NUDT3: variants seen among roughly 807,000 people sequenced by gnomAD.
The protein encoded by NUDT3 is diphosphoinositol polyphosphate phosphohydrolase 1.
A neutral mutation model predicts 23.6 loss-of-function variants in NUDT3; 9 were observed. That is an observed-to-expected ratio of 0.38 (90% CI 0.23 to 0.66). The LOEUF (loss-of-function observed/expected upper bound fraction) is 0.66. NUDT3 is among the 30% of genes least tolerant of loss of function. The pLI, the probability that NUDT3 is intolerant of heterozygous loss-of-function variation, is 0.52. For synonymous variants in NUDT3, 86 were observed against 82.6 expected (o/e 1.04, Z -0.22); for missense variants, 172 against 218.5 (o/e 0.79, Z 1.34).
At chr6:34,382,239 TA>T (rs915967504) in intron 1 of NUDT3, among the ~76,000 whole-genome samples, 63 of 150,748 alleles carry the variant, frequency 4.2e-4, no homozygotes, top group African/African-American at 1.5e-3. Flanking sequence ...CTACAAAAAA[TA>T]AAAAAAATAT....
chr6:34,293,353 A>G (rs1763451511), intron 4 of NUDT3, 98 bp downstream of exon 4: 1 of 1,426,660 alleles, frequency 7.0e-7, no homozygotes, highest in South Asian at 1.2e-5. Context: ...TGAGCCACTG[A>G]GCCTGGTACG....
rs879579089 is a variant in NUDT3 at position 34,295,764 on chromosome 6, TAAAATAGAAACAAAA to T, written c.211-94_211-80del. The T allele has an allele frequency of 7.8e-4, 1,224 of 1,570,092 alleles. 3 individuals carry two copies. Among genetic ancestry groups the T allele is most frequent in the Non-Finnish European group, 9.7e-4 (1,112 of 1,152,142 alleles). Reference sequence around the variant, plus strand: ...ATTCTGAGTCTTCTTAAGCAGTTTATAAAATAGAAACAAAAAACAAGAGGACACAGCTTGGGCAGA... The same window carrying T: ...ATTCTGAGTCTTCTTAAGCAGTTTATAACAAGAGGACACAGCTTGGGCAGA... On this transcript the variant is annotated intron_variant, in intron 2 of 4. Coordinates refer to ENST00000607016, the MANE Select transcript of NUDT3 (RefSeq NM_006703.4).
Position 34,293,494 on chromosome 6 carries a change from A to G in NUDT3, c.297T>C (p.Ile99=), listed in dbSNP as rs1763453876. Residue 99 remains isoleucine, a synonymous_variant, in exon 4 of 5, where the codon ATT becomes ATC. Coordinates refer to ENST00000607016, the MANE Select transcript of NUDT3 (RefSeq NM_006703.4). The part of the protein sequence containing the change: ...RKHRTYVYVL[I]VTEVLEDWED... The stretch of plus-strand genomic sequence containing the variant: ...CCCAGTCTTCCAGCACTTCAGTGAC[A>G]ATGAGCACATAGACATACGTCCTGT... The G allele has an allele frequency of 6.2e-7, 1 of 1,614,076 alleles. No individual in the cohort carries two copies. Among genetic ancestry groups the G allele is most frequent in the Non-Finnish European group, 8.5e-7 (1 of 1,180,024 alleles).
Position 34,287,992 on chromosome 6 carries a change from C to T in NUDT3, c.*761G>A, listed in dbSNP as rs1763358553. 3.9e-5 allele frequency: 6 copies of T among 152,032 alleles called. No individual in the cohort carries two copies. The highest frequency in any genetic ancestry group is 3.9e-4 in the Admixed American group (6 of 15,254). 9.4% of individuals were successfully genotyped at this position (152,032 alleles called of 1,614,324 possible). A position where few individuals can be genotyped will look rare whatever the true frequency, so the allele number is the denominator to read the frequency against. ...AGGTTTCTTCCTGTTTCTTTCTGGGCAGGGAAATACAGCTTAAAGAAGGAA... is the reference window on the plus strand; with the variant it reads ...AGGTTTCTTCCTGTTTCTTTCTGGGTAGGGAAATACAGCTTAAAGAAGGAA... On this transcript the variant is annotated 3_prime_UTR_variant, in exon 5 of 5. Coordinates refer to ENST00000607016, the MANE Select transcript of NUDT3 (RefSeq NM_006703.4).
At chr6:34,371,641 T>C (rs927833139) in intron 1 of NUDT3, among the ~76,000 whole-genome samples, 39 of 152,194 alleles carry the variant, frequency 2.6e-4, no homozygotes, top group Non-Finnish European at 1.0e-4. Context: ...ATTAGAAGAA[T>C]AGAGAATCAC....
chr6:34,329,342 G>A (rs550081869), intron 2 of NUDT3, among the ~76,000 whole-genome samples: 12 of 152,244 alleles, frequency 7.9e-5, no homozygotes, highest in African/African-American at 2.2e-4. Flanking sequence ...GTGCAATGGC[G>A]CGATCTCAGC....
chr6:34,294,020 C>CT (rs1340534953), intron 3 of NUDT3, among the ~76,000 whole-genome samples: 1 of 152,112 alleles, frequency 6.6e-6, no homozygotes, highest in African/African-American at 2.4e-5. Context: ...GAGAGCCTTA[C>CT]TTTGTCACCT....
intron 1 of NUDT3, among the ~76,000 whole-genome samples, chr6:34,382,931 G>A (rs1765046467): frequency 6.6e-6 from 1 of 151,878 alleles, no homozygotes; most frequent in Non-Finnish European, 1.5e-5. Context: ...TTCGAGACCA[G>A]CCTGGCTAAG....
chr6:34,371,236 C>T (rs541632710), intron 1 of NUDT3, among the ~76,000 whole-genome samples: 3 of 152,102 alleles, frequency 2.0e-5, no homozygotes, highest in Admixed American at 1.3e-4. Context: ...TTTGGGAGGC[C>T]GAGGCAGGCA....
chr6:34,374,338 G>A (rs1238483618), intron 1 of NUDT3, among the ~76,000 whole-genome samples: 1 of 152,080 alleles, frequency 6.6e-6, no homozygotes, highest in Non-Finnish European at 1.5e-5. Flanking sequence ...GATAGATCAT[G>A]TCTATGTTTA....
Position 34,288,676 on chromosome 6 carries a change from A to G in NUDT3, c.*77T>C, listed in dbSNP as rs1322011118. The G allele has an allele frequency of 2.0e-6, 3 of 1,519,758 alleles. No individual in the cohort carries two copies. The highest frequency in any genetic ancestry group is 2.6e-6 in the Non-Finnish European group (3 of 1,136,184). The allele number at this position is 1,519,758 out of a possible 1,614,324, so 94.1% of individuals were successfully genotyped here. A position where few individuals can be genotyped will look rare whatever the true frequency, so the allele number is the denominator to read the frequency against. On this transcript the variant is annotated 3_prime_UTR_variant, in exon 5 of 5. Transcript: ENST00000607016. The stretch of plus-strand genomic sequence containing the variant: ...GAAAGAGGAGGCCTGTGAGAAGTGG[A>G]AAGAGCCAGGGTGAGAGGGAAGATT...
intron 1 of NUDT3, among the ~76,000 whole-genome samples, chr6:34,352,344 A>T (rs1764491288): frequency 6.6e-6 from 1 of 152,020 alleles, no homozygotes; most frequent in South Asian, 2.1e-4. Flanking sequence ...TAATTTTTGC[A>T]TTATTTGTAG....
chr6:34,336,608 G>T (rs1362871570), intron 2 of NUDT3, among the ~76,000 whole-genome samples: 1 of 151,990 alleles, frequency 6.6e-6, no homozygotes, highest in Non-Finnish European at 1.5e-5. Context: ...TGTTACCTGT[G>T]CTTTTGAGGT....
chr6:34,315,428 G>A (rs934319541), intron 2 of NUDT3, among the ~76,000 whole-genome samples: 1 of 152,170 alleles, frequency 6.6e-6, no homozygotes, highest in African/African-American at 2.4e-5. Context: ...GCTGCAATAA[G>A]CTGCATCTAC....
chr6:34,296,666 T>C (rs950936486), intron 2 of NUDT3, among the ~76,000 whole-genome samples: 2 of 152,168 alleles, frequency 1.3e-5, no homozygotes, highest in East Asian at 3.9e-4. Context: ...AATGCCTAAT[T>C]TGAACCAGAA....
intron 1 of NUDT3, among the ~76,000 whole-genome samples, chr6:34,383,005 T>C (rs918382087): frequency 6.6e-6 from 1 of 151,278 alleles, no homozygotes; most frequent in Non-Finnish European, 1.5e-5. Flanking sequence ...CAGGCACCTG[T>C]AATCCCAGCT....
chr6:34,284,187 G>A lies in NUDT3; in HGVS notation c.*4566C>T, dbSNP rs1282997141. On this transcript the variant is annotated 3_prime_UTR_variant, in exon 5 of 5. Coordinates refer to ENST00000607016, the MANE Select transcript of NUDT3 (RefSeq NM_006703.4). The stretch of plus-strand genomic sequence containing the variant: ...TCCACAGTCTTTAAGAAACAGAAGA[G>A]CCATTTGCATTATTTAATCACCATT... 1.3e-5 allele frequency: 2 copies of A among 152,162 alleles called. No homozygotes were observed. The highest frequency in any genetic ancestry group is 1.5e-5 in the Non-Finnish European group (1 of 68,038). The allele number at this position is 152,162 out of a possible 1,614,324, so 9.4% of individuals were successfully genotyped here. A position where few individuals can be genotyped will look rare whatever the true frequency, so the allele number is the denominator to read the frequency against.
intron 1 of NUDT3, among the ~76,000 whole-genome samples, chr6:34,385,772 C>T (rs1202891877): frequency 6.6e-6 from 1 of 151,674 alleles, no homozygotes; most frequent in Non-Finnish European, 1.5e-5. Flanking sequence ...CAACCTCCGT[C>T]TCCTGGGTTC....
intron 2 of NUDT3, among the ~76,000 whole-genome samples, chr6:34,332,846 G>A (rs1231428163): frequency 6.6e-6 from 1 of 152,080 alleles, no homozygotes; most frequent in African/African-American, 2.4e-5. Flanking sequence ...GGATGGCTGA[G>A]GTGAGAAAAG....
Sources: allele counts gnomAD v4.1 joint callset (sites outside exome capture counted in the v4.1 genomes callset), GRCh38; gene constraint gnomAD v4.1.1; transcripts MANE v1.5; gene names NCBI Gene and HGNC (gene_info 2026-07-23, HGNC 2026-07-21).